The following FAM168B variants were observed in gnomAD, a reference collection of about 807,000 sequenced individuals.
FAM168B encodes the protein family with sequence similarity 168 member B, also known as myelin-associated neurite-outgrowth inhibitor.
FAM168B carries 19 observed loss-of-function variants against 21.8 expected under a neutral mutation model. The ratio of observed to expected loss-of-function variants is 0.87; its 90% confidence interval spans 0.61 to 1.28. FAM168B has a LOEUF of 1.28. Ranked by LOEUF, FAM168B falls within the 50% of genes most tolerant of loss-of-function variation. FAM168B has a pLI of 0.00. For missense variants in FAM168B, 233 were observed against 263.1 expected, an observed-to-expected ratio of 0.89 and a Z score of 0.79; for synonymous variants, 126 against 104.8, an observed-to-expected ratio of 1.20 and a Z score of -1.24.
intron 3 of FAM168B, among the ~76,000 whole-genome samples, chr2:131,071,032 C>T (rs1287219465): frequency 6.6e-6 from 1 of 152,064 alleles, no homozygotes. Context: ...CAAGGGTGGT[C>T]ATATAGGGTC....
At chr2:131,061,458 C>G (rs1236148274) in intron 3 of FAM168B, among the ~76,000 whole-genome samples, 3 of 151,896 alleles carry the variant, frequency 2.0e-5, no homozygotes, top group Non-Finnish European at 2.9e-5. Flanking sequence ...AAAGGGCCCA[C>G]GGATCACCAC....
rs770635192 is a variant in FAM168B at position 131,049,810 on chromosome 2, C to T, written c.*2655G>A. On this transcript the variant is annotated 3_prime_UTR_variant, in exon 7 of 7. Coordinates refer to ENST00000389915, the MANE Select transcript of FAM168B (RefSeq NM_001009993.4). ...TCTCAGAATGCTCCACCATATGCTT[C>T]GGGACAAATTATGAAGCTTTGTAAC... 16 of 985,822 alleles carry T rather than the reference C, an allele frequency of 1.6e-5. No homozygotes were observed. The highest frequency in any genetic ancestry group is 1.9e-5 in the Non-Finnish European group (16 of 829,932). The allele number at this position is 985,822 out of a possible 1,614,324, so 61.1% of individuals were successfully genotyped here.
intron 2 of FAM168B, among the ~76,000 whole-genome samples, chr2:131,079,139 GGACT>G (rs987786336): frequency 2.6e-5 from 4 of 151,998 alleles, no homozygotes; most frequent in Non-Finnish European, 4.4e-5. Flanking sequence ...CTGGAATCCT[GGACT>G]GCCCAGGCTG....
intron 3 of FAM168B, among the ~76,000 whole-genome samples, chr2:131,061,295 T>TAA (rs775802154): frequency 2.3e-5 from 3 of 130,678 alleles, no homozygotes; most frequent in Non-Finnish European, 3.3e-5. Flanking sequence ...CTCCAAAATT[T>TAA]AAAAAAAAAA....
chr2:131,048,557 A>G lies in FAM168B; in HGVS notation c.*3908T>C, dbSNP rs1415551197. 5.4e-6 allele frequency: 6 copies of G among 1,113,558 alleles called. No homozygotes were observed. The highest frequency in any genetic ancestry group is 6.9e-5 in the East Asian group (1 of 14,576). The allele number at this position is 1,113,558 out of a possible 1,614,324, so 69.0% of individuals were successfully genotyped here. ...GAAAAAGAGACAAACTTTCTGAAACATGCAGTTTCCGACCCAAATAGGCCA... is the reference window on the plus strand; with the variant it reads ...GAAAAAGAGACAAACTTTCTGAAACGTGCAGTTTCCGACCCAAATAGGCCA... On this transcript the variant is annotated 3_prime_UTR_variant, in exon 7 of 7. Transcript: ENST00000389915.
chr2:131,082,199 T>C (rs1243247238), intron 2 of FAM168B, among the ~76,000 whole-genome samples: 5 of 152,132 alleles, frequency 3.3e-5, no homozygotes, highest in South Asian at 2.1e-4. Flanking sequence ...CTGGTTTGAA[T>C]AGAGAACAAG....
At position 131,051,228 on chromosome 2, in the gene FAM168B, G is replaced by A. The variant is rs561774303; in HGVS notation, c.*1237C>T. The A allele has an allele frequency of 1.1e-5, 11 of 984,994 alleles. No individual in the cohort carries two copies. In the South Asian group the frequency reaches 2.4e-4, roughly 21 times the overall value. The allele number at this position is 984,994 out of a possible 1,614,324, so 61.0% of individuals were successfully genotyped here. On this transcript the variant is annotated 3_prime_UTR_variant, in exon 7 of 7. Coordinates refer to ENST00000389915, the MANE Select transcript of FAM168B (RefSeq NM_001009993.4). ...CCATCTCTAAGCGTCCCCTCCAGCCGGCCTCAGCAGACAAGTCACCACCAT... is the reference window on the plus strand; with the variant it reads ...CCATCTCTAAGCGTCCCCTCCAGCCAGCCTCAGCAGACAAGTCACCACCAT...
intron 1 of FAM168B, among the ~76,000 whole-genome samples, chr2:131,089,525 G>C (rs1271631340): frequency 1.4e-5 from 2 of 138,242 alleles, no homozygotes; most frequent in East Asian, 4.6e-4. Context: ...AAGGTCAGGA[G>C]ATCGAGACCA....
chr2:131,047,977 A>C lies in FAM168B; in HGVS notation c.*4488T>G, dbSNP rs1691385676. On this transcript the variant is annotated 3_prime_UTR_variant, in exon 7 of 7. Transcript: ENST00000389915. ...AGATTTTTAAATCTGAGCTCATCTC[A>C]TCAGATTGCATAAAAAATTAAAATA... The C allele has an allele frequency of 1.1e-5, 3 of 271,246 alleles. No individual in the cohort carries two copies. The Admixed American group carries it at 1.5e-4, about 13-fold the overall frequency. 16.8% of individuals were successfully genotyped at this position (271,246 alleles called of 1,614,324 possible). A position where few individuals can be genotyped will look rare whatever the true frequency, so the allele number is the denominator to read the frequency against.
chr2:131,049,365 A>G lies in FAM168B; in HGVS notation c.*3100T>C. ...GAACACATTTGCATAGCACTCAAGAAGGTTTCCCAGAATAGCGACAGGTAG... is the reference window on the plus strand; with the variant it reads ...GAACACATTTGCATAGCACTCAAGAGGGTTTCCCAGAATAGCGACAGGTAG... On this transcript the variant is annotated 3_prime_UTR_variant, in exon 7 of 7. Transcript: ENST00000389915. The G allele has an allele frequency of 3.0e-6, 3 of 985,440 alleles. No individual in the cohort carries two copies. Among genetic ancestry groups the G allele is most frequent in the South Asian group, 4.7e-5 (1 of 21,264 alleles). The allele number at this position is 985,440 out of a possible 1,614,324, so 61.0% of individuals were successfully genotyped here.
chr2:131,077,197 T>C (rs1487530144), intron 2 of FAM168B, among the ~76,000 whole-genome samples: 3 of 145,014 alleles, frequency 2.1e-5, no homozygotes, highest in African/African-American at 2.6e-5. Context: ...GGAGTGTATG[T>C]AACGCTATTA....
At chr2:131,056,402 C>G (rs1410710095) in intron 3 of FAM168B, among the ~76,000 whole-genome samples, 1 of 152,124 alleles carries the variant, frequency 6.6e-6, no homozygotes, top group Non-Finnish European at 1.5e-5. Context: ...TGAGCAGACT[C>G]GAGAAGAAGG....
intron 1 of FAM168B, among the ~76,000 whole-genome samples, chr2:131,087,653 G>T (rs1489674511): frequency 6.6e-6 from 1 of 152,160 alleles, no homozygotes; most frequent in Non-Finnish European, 1.5e-5. Context: ...ACACAGCTTA[G>T]GTACAACCAC....
At chr2:131,065,508 G>A (rs990146933) in intron 3 of FAM168B, among the ~76,000 whole-genome samples, 2 of 152,048 alleles carry the variant, frequency 1.3e-5, no homozygotes, top group African/African-American at 2.4e-5. Flanking sequence ...GAAAAGAAAC[G>A]CCGGGCATGG....
intron 3 of FAM168B, among the ~76,000 whole-genome samples, chr2:131,070,672 T>C (rs573109284): frequency 1.3e-5 from 2 of 152,272 alleles, no homozygotes; most frequent in Admixed American, 1.3e-4. Context: ...ACATGGTAAA[T>C]GGATAAGCAA....
rs1451228602 is a variant in FAM168B at position 131,051,486 on chromosome 2, A to T, written c.*979T>A. ...GCTGATTCAAACATTTCTCCAGGAA[A>T]AAAAAAAAAAAAGGAATGATTTTCT... On this transcript the variant is annotated 3_prime_UTR_variant, in exon 7 of 7. Coordinates refer to ENST00000389915, the MANE Select transcript of FAM168B (RefSeq NM_001009993.4). 79 of 739,728 alleles carry T rather than the reference A, an allele frequency of 1.1e-4. No homozygotes were observed. The African/African-American group carries it at 1.5e-3, about 14-fold the overall frequency. 45.8% of individuals were successfully genotyped at this position (739,728 alleles called of 1,614,324 possible).
rs1000572222 is a variant in FAM168B at position 131,047,885 on chromosome 2, A to T, written c.*4580T>A. On this transcript the variant is annotated 3_prime_UTR_variant, in exon 7 of 7. Coordinates refer to ENST00000389915, the MANE Select transcript of FAM168B (RefSeq NM_001009993.4). Reference sequence around the variant, plus strand: ...CATGAAAACCACAATATGCAACACAAGTCAATCTTTATTGAAAACTGCAGT... The same window carrying T: ...CATGAAAACCACAATATGCAACACATGTCAATCTTTATTGAAAACTGCAGT... The T allele has an allele frequency of 2.4e-5, 4 of 166,584 alleles. No individual in the cohort carries two copies. The highest frequency in any genetic ancestry group is 5.2e-5 in the Non-Finnish European group (4 of 76,688). The allele number at this position is 166,584 out of a possible 1,614,324, so 10.3% of individuals were successfully genotyped here.
intron 5 of FAM168B, among the ~76,000 whole-genome samples, chr2:131,053,567 T>C (rs565305718): frequency 1.3e-5 from 2 of 152,328 alleles, no homozygotes; most frequent in South Asian, 4.1e-4. Context: ...TTAACACTAC[T>C]GAACCGTACT....
intron 3 of FAM168B, among the ~76,000 whole-genome samples, chr2:131,069,792 C>CTAAACTTTTAAAACCCCTGCTCTTTAA: frequency 6.6e-6 from 1 of 151,640 alleles, no homozygotes; most frequent in Non-Finnish European, 1.5e-5. Flanking sequence ...TGCGCCCAGC[C>CTAAACTTTTAAAACCCCTGCTCTTTAA]AAGTTACACA....
Sources: allele counts gnomAD v4.1 joint callset (sites outside exome capture counted in the v4.1 genomes callset), GRCh38; gene constraint gnomAD v4.1.1; transcripts MANE v1.5; gene names NCBI Gene and HGNC (gene_info 2026-07-23, HGNC 2026-07-21).